USP9X: variants seen among roughly 807,000 people sequenced by gnomAD.
The protein encoded by USP9X is ubiquitin specific peptidase 9 X-linked.
In USP9X, 7 loss-of-function variants were observed where a neutral mutation model predicts 190.3. The observed-to-expected ratio is 0.04, with a 90% confidence interval of 0.02 to 0.07. The LOEUF is 0.07. Among genes scored for constraint, USP9X ranks in the 10% least tolerant of loss-of-function variants. The pLI is 1.00. For missense variants in USP9X, 1,010 were observed against 1,916.9 expected (o/e 0.53, Z 8.83); for synonymous variants, 645 against 659.5 (o/e 0.98, Z 0.34).
intron 1 of USP9X, among the ~76,000 whole-genome samples, chrX:41,100,822 T>C (rs1419280407): frequency 9.1e-6 from 1 of 110,115 alleles, no homozygotes; most frequent in Non-Finnish European, 1.9e-5. Context: ...AATTTTTGTA[T>C]TTTTAGTAGA....
At chrX:41,179,071 G>A (rs925213613) in intron 21 of USP9X, among the ~76,000 whole-genome samples, 3 of 111,467 alleles carry the variant, frequency 2.7e-5, no homozygotes, top group African/African-American at 9.8e-5. Flanking sequence ...CAATTGATCT[G>A]TGTCTATTTT....
At position 41,206,625 on chromosome X, in the gene USP9X, A is replaced by G. The variant is rs2063098912; in HGVS notation, c.5015+1132A>G. ...ACACCTTATGAGATCTAGAGGCTTG[A>G]TCAGATTGTGGTATTATTTTTCTTT... is the stretch of plus-strand genomic sequence containing the variant. On this transcript the variant is annotated intron_variant, in intron 32 of 44. Coordinates refer to ENST00000378308, the MANE Select transcript of USP9X (RefSeq NM_001039591.3). 1.8e-5 allele frequency among the ~76,000 whole-genome samples: 2 copies of G among 110,749 alleles called. 1 individual carries two copies. The highest frequency in any genetic ancestry group is 3.8e-5 in the Non-Finnish European group (2 of 52,926).
chrX:41,163,750 AT>A (rs1190393257), intron 15 of USP9X, among the ~76,000 whole-genome samples: 18 of 107,094 alleles, frequency 1.7e-4, no homozygotes, highest in South Asian at 8.1e-4. Flanking sequence ...AAAAAAAAAA[AT>A]TTTTTTTTTA....
rs769315374 is a variant in USP9X, at chrX:41,168,354, C to T, written c.2636+136C>T. On this transcript the variant is annotated intron_variant, in intron 18 of 44. Coordinates refer to ENST00000378308, the MANE Select transcript of USP9X (RefSeq NM_001039591.3). ...CCCATTAAAAACATTTTCATTTCAT[C>T]TAATTTTTTTTAATAACCTCCCCCA... 4.0e-5 allele frequency: 24 copies of T among 592,871 alleles called. No individual in the cohort carries two copies. In the East Asian group the frequency reaches 7.7e-4, roughly 19 times the overall value. 48.9% of individuals were successfully genotyped at this position (592,871 alleles called of 1,213,427 possible). A position where few individuals can be genotyped will look rare whatever the true frequency, so the allele number is the denominator to read the frequency against.
At chrX:41,138,245 T>C (rs2062393194) in intron 6 of USP9X, among the ~76,000 whole-genome samples, 1 of 111,492 alleles carries the variant, frequency 9.0e-6, no homozygotes, top group Non-Finnish European at 1.9e-5. Flanking sequence ...AAAGGGGACA[T>C]GTTTGGCAGC....
At chrX:41,090,676 C>T (rs1198955076) in intron 1 of USP9X, among the ~76,000 whole-genome samples, 1 of 111,029 alleles carries the variant, frequency 9.0e-6, no homozygotes, top group Non-Finnish European at 1.9e-5. Context: ...TTTTTTTTTG[C>T]AGTCCCTTTT....
In USP9X at chrX:41,204,622, A is replaced by G. The variant is rs1019377204; in HGVS notation, c.4825-681A>G. 3.6e-5 allele frequency among the ~76,000 whole-genome samples: 4 copies of G among 111,691 alleles called. No homozygotes were observed. In the Admixed American group the frequency reaches 3.8e-4, roughly 11 times the overall value. On this transcript the variant is annotated intron_variant, in intron 31 of 44. Coordinates refer to ENST00000378308, the MANE Select transcript of USP9X (RefSeq NM_001039591.3). ...TTTCAGACAATTACAGACCATATATATGACAGTAGTCCAATGAGATTATAA... is the reference window on the plus strand; with the variant it reads ...TTTCAGACAATTACAGACCATATATGTGACAGTAGTCCAATGAGATTATAA...
At chrX:41,202,025 T>A (rs2063046937) in intron 31 of USP9X, among the ~76,000 whole-genome samples, 1 of 112,770 alleles carries the variant, frequency 8.9e-6, no homozygotes. Flanking sequence ...GAGTGTTTAG[T>A]ATAATTTGGG....
At position 41,184,712 on chromosome X, in the gene USP9X, A is replaced by C. The variant is rs183824550; in HGVS notation, c.3558+37A>C. ...TTTTTAAAAATCCTTTTATAATAGT[A>C]GATAGCAATTTTTAAAGTAAAACTA... On this transcript the variant is annotated intron_variant, in intron 23 of 44. Transcript: ENST00000378308. 1.3e-4 allele frequency: 140 copies of C among 1,103,199 alleles called. 2 individuals are homozygous for C. The highest frequency in any genetic ancestry group is 9.9e-4 in the East Asian group (32 of 32,244). The allele number at this position is 1,103,199 out of a possible 1,213,427, so 90.9% of individuals were successfully genotyped here. A position where few individuals can be genotyped will look rare whatever the true frequency, so the allele number is the denominator to read the frequency against.
chrX:41,125,678 A>T (rs867388765), intron 2 of USP9X, among the ~76,000 whole-genome samples: 66 of 33,853 alleles, frequency 1.9e-3, no homozygotes, highest in African/African-American at 5.0e-3. Flanking sequence ...ACACACACAC[A>T]CACACACTCT....
intron 14 of USP9X, 98 bp downstream of exon 14, chrX:41,153,179 A>G (rs1487347429): frequency 6.6e-6 from 6 of 903,729 alleles, no homozygotes; most frequent in Non-Finnish European, 9.0e-6. Context: ...TTATGGATTT[A>G]AGATCCACTA....
At chrX:41,090,186 C>T (rs1197258998) in intron 1 of USP9X, among the ~76,000 whole-genome samples, 1 of 109,777 alleles carries the variant, frequency 9.1e-6, no homozygotes, top group Non-Finnish European at 1.9e-5. Flanking sequence ...GGATTCCCGG[C>T]ATGAGCGACT....
chrX:41,153,743 TTCTG>T (rs2062551134), intron 14 of USP9X, among the ~76,000 whole-genome samples: 1 of 112,063 alleles, frequency 8.9e-6, no homozygotes, highest in African/African-American at 3.2e-5. Flanking sequence ...ACTGTTCCTC[TTCTG>T]TCTTATGACA....
At chrX:41,126,892 A>AT (rs1028913612) in intron 2 of USP9X, among the ~76,000 whole-genome samples, 47 of 110,614 alleles carry the variant, frequency 4.2e-4, no homozygotes, top group Middle Eastern at 4.6e-3. Flanking sequence ...TTTTCACTTA[A>AT]TTTTTTTTAA....
intron 23 of USP9X, among the ~76,000 whole-genome samples, chrX:41,184,993 T>C (rs971435796): frequency 1.8e-5 from 2 of 112,000 alleles, no homozygotes; most frequent in African/African-American, 6.5e-5. Context: ...ATAAGAGATA[T>C]AATTGGTTTA....
At chrX:41,144,386 G>C (rs751754992) in intron 10 of USP9X, 136 bp from the exon 11 acceptor site, 13 of 514,683 alleles carry the variant, frequency 2.5e-5, no homozygotes, top group Middle Eastern at 5.7e-4. Flanking sequence ...TGCGGGCTGT[G>C]TTAGGAATTT....
chrX:41,086,598 C>A (rs1473897625), intron 1 of USP9X, among the ~76,000 whole-genome samples: 1 of 112,228 alleles, frequency 8.9e-6, no homozygotes, highest in Non-Finnish European at 1.9e-5. Flanking sequence ...CTCGGCTACG[C>A]CTGGCTATCA....
chrX:41,103,535 G>A (rs1242517783), intron 1 of USP9X, among the ~76,000 whole-genome samples: 2 of 111,724 alleles, frequency 1.8e-5, no homozygotes, highest in Non-Finnish European at 1.9e-5. Context: ...TGCAAAACTC[G>A]AACCCATGCC....
chrX:41,224,214 AAAAT>A (rs1190213486), intron 39 of USP9X, among the ~76,000 whole-genome samples: 3 of 111,189 alleles, frequency 2.7e-5, no homozygotes, highest in African/African-American at 9.8e-5. Context: ...GTCCAAAAAA[AAAAT>A]TAACTTTTTA....
Sources: allele counts gnomAD v4.1 joint callset (sites outside exome capture counted in the v4.1 genomes callset), GRCh38; gene constraint gnomAD v4.1.1; transcripts MANE v1.5; gene names NCBI Gene and HGNC (gene_info 2026-07-23, HGNC 2026-07-21).